LRRC3B: variants seen among roughly 807,000 people sequenced by gnomAD.
LRRC3B encodes the protein leucine-rich repeat-containing protein 3B.
In LRRC3B, 2 loss-of-function variants were observed where a neutral mutation model predicts 12.8. That is an observed-to-expected ratio of 0.16 (90% CI 0.06 to 0.49). The LOEUF is 0.49. Among genes scored for constraint, LRRC3B ranks in the 20% least tolerant of loss-of-function variants. The pLI, the probability that LRRC3B is intolerant of heterozygous loss-of-function variation, is 0.96. For synonymous variants in LRRC3B, 132 were observed against 122.0 expected, an observed-to-expected ratio of 1.08 and a Z score of -0.54; for missense variants, 189 against 319.4, an observed-to-expected ratio of 0.59 and a Z score of 3.11.
At chr3:26,630,674 A>G (rs1359546325) in intron 1 of LRRC3B, among the ~76,000 whole-genome samples, 1 of 152,226 alleles carries the variant, frequency 6.6e-6, no homozygotes, top group Non-Finnish European at 1.5e-5. Context: ...ATGAGATGGT[A>G]CATTGCCATT....
chr3:26,641,241 G>C (rs1180515753), intron 1 of LRRC3B, among the ~76,000 whole-genome samples: 2 of 152,156 alleles, frequency 1.3e-5, no homozygotes, highest in Admixed American at 6.5e-5. Flanking sequence ...TGCCCCAGTA[G>C]CATAGGTGGC....
chr3:26,672,692 T>C (rs914386470), intron 1 of LRRC3B, among the ~76,000 whole-genome samples: 1 of 152,226 alleles, frequency 6.6e-6, no homozygotes, highest in Non-Finnish European at 1.5e-5. Flanking sequence ...TTGCTCCAAT[T>C]AGAGTGGCTA....
intron 1 of LRRC3B, among the ~76,000 whole-genome samples, chr3:26,685,274 G>GT (rs1233143142): frequency 6.6e-6 from 1 of 151,658 alleles, no homozygotes; most frequent in Non-Finnish European, 1.5e-5. Context: ...TATTGTTGTT[G>GT]TTTTTTGGCG....
At chr3:26,663,297 C>T (rs545183390) in intron 1 of LRRC3B, among the ~76,000 whole-genome samples, 68 of 152,226 alleles carry the variant, frequency 4.5e-4, no homozygotes, top group African/African-American at 1.6e-3. Flanking sequence ...GTTGAAAGCT[C>T]ACATTAATCA....
At chr3:26,679,685 A>G (rs547571859) in intron 1 of LRRC3B, among the ~76,000 whole-genome samples, 22 of 152,240 alleles carry the variant, frequency 1.4e-4, no homozygotes, top group African/African-American at 4.8e-4. Flanking sequence ...TTCTCCTGAC[A>G]TTACATCATT....
At chr3:26,649,859 G>A (rs1205419309) in intron 1 of LRRC3B, among the ~76,000 whole-genome samples, 1 of 152,040 alleles carries the variant, frequency 6.6e-6, no homozygotes, top group Non-Finnish European at 1.5e-5. Flanking sequence ...CATCCAAAAT[G>A]TTTCTTCACT....
chr3:26,656,125 T>C (rs904074915), intron 1 of LRRC3B, among the ~76,000 whole-genome samples: 3 of 152,172 alleles, frequency 2.0e-5, no homozygotes, highest in Non-Finnish European at 4.4e-5. Flanking sequence ...ATGGATTTGA[T>C]AGTCTCTGTA....
chr3:26,667,404 C>A (rs1157518869), intron 1 of LRRC3B, among the ~76,000 whole-genome samples: 1 of 152,192 alleles, frequency 6.6e-6, no homozygotes, highest in African/African-American at 2.4e-5. Context: ...CCTGCATTTA[C>A]AGAGACTTAA....
At chr3:26,710,390 A>C in exon 2 of LRRC3B, 1 of 1,614,034 alleles carries the variant, frequency 6.2e-7, no homozygotes, top group Non-Finnish European at 8.5e-7. Flanking sequence ...CGAATACTTG[A>C]AATCCCTGCC....
chr3:26,686,300 C>T (rs1284949696), intron 1 of LRRC3B, among the ~76,000 whole-genome samples: 2 of 152,140 alleles, frequency 1.3e-5, no homozygotes, highest in Admixed American at 6.5e-5. Context: ...AGGATTGTCT[C>T]GATCTCCTGG....
At chr3:26,644,469 G>A (rs1012597248) in intron 1 of LRRC3B, among the ~76,000 whole-genome samples, 1 of 152,118 alleles carries the variant, frequency 6.6e-6, no homozygotes, top group Non-Finnish European at 1.5e-5. Context: ...ATACAATTAG[G>A]GGGAACAATC....
At chr3:26,706,859 T>C (rs1700602432) in intron 1 of LRRC3B, among the ~76,000 whole-genome samples, 1 of 152,348 alleles carries the variant, frequency 6.6e-6, no homozygotes, top group East Asian at 1.9e-4. Context: ...CCAATGTTTA[T>C]GTTTAAAATA....
chr3:26,707,017 G>GTAAC (rs1270800127), intron 1 of LRRC3B, among the ~76,000 whole-genome samples: 4 of 152,070 alleles, frequency 2.6e-5, no homozygotes, highest in Non-Finnish European at 5.9e-5. Context: ...AATAATAATA[G>GTAAC]TAACTAAAAC....
At chr3:26,642,258 A>G (rs1373364894) in intron 1 of LRRC3B, among the ~76,000 whole-genome samples, 6 of 152,192 alleles carry the variant, frequency 3.9e-5, no homozygotes, top group Admixed American at 3.9e-4. Context: ...AAATAGTCTC[A>G]TCTTCAGGAA....
intron 1 of LRRC3B, chr3:26,625,567 A>C (rs1438532256): frequency 6.6e-6 from 1 of 152,182 alleles, no homozygotes; most frequent in South Asian, 2.1e-4. Context: ...GACCCCCCCA[A>C]GGCTCATTTC....
At chr3:26,627,240 G>C (rs1169449183) in intron 1 of LRRC3B, among the ~76,000 whole-genome samples, 1 of 152,146 alleles carries the variant, frequency 6.6e-6, no homozygotes, top group Non-Finnish European at 1.5e-5. Flanking sequence ...CTCTGTAGCT[G>C]TAGTACCAGG....
intron 1 of LRRC3B, among the ~76,000 whole-genome samples, chr3:26,685,594 C>CATATAT (rs200275513): frequency 1.6e-5 from 2 of 126,164 alleles, no homozygotes; most frequent in Non-Finnish European, 3.1e-5. Flanking sequence ...AAGCTTCACT[C>CATATAT]ATATATATAT....
intron 1 of LRRC3B, among the ~76,000 whole-genome samples, chr3:26,658,169 C>T (rs1699414871): frequency 6.6e-6 from 1 of 152,246 alleles, no homozygotes; most frequent in South Asian, 2.1e-4. Flanking sequence ...CTCGGCCTCC[C>T]GGGTTCACGC....
At chr3:26,659,915 G>A (rs1007198882) in intron 1 of LRRC3B, among the ~76,000 whole-genome samples, 1 of 152,128 alleles carries the variant, frequency 6.6e-6, no homozygotes, top group Non-Finnish European at 1.5e-5. Flanking sequence ...TGTTTCATGA[G>A]GAAAGTAATT....
Sources: allele counts gnomAD v4.1 joint callset (sites outside exome capture counted in the v4.1 genomes callset), GRCh38; gene constraint gnomAD v4.1.1; transcripts MANE v1.5; gene names NCBI Gene and HGNC (gene_info 2026-07-23, HGNC 2026-07-21).